RPS6KA5: variants seen among roughly 807,000 people sequenced by gnomAD.
RPS6KA5 encodes the protein ribosomal protein S6 kinase alpha-5.
In RPS6KA5, 27 loss-of-function variants were observed where a neutral mutation model predicts 85.5. That is an observed-to-expected ratio of 0.32 (90% CI 0.23 to 0.44). The LOEUF is 0.44. RPS6KA5 is among the 20% of genes least tolerant of loss of function. RPS6KA5 has a pLI of 1.00. For missense variants in RPS6KA5, 811 were observed against 980.9 expected, an observed-to-expected ratio of 0.83 and a Z score of 2.31; for synonymous variants, 334 against 348.2, an observed-to-expected ratio of 0.96 and a Z score of 0.46.
chr14:90,900,777 A>G, intron 9 of RPS6KA5, 41 bp from the exon 10 acceptor site: 1 of 1,558,400 alleles, frequency 6.4e-7, no homozygotes, highest in Non-Finnish European at 8.7e-7. Context: ...AACAACTTGC[A>G]GTTTTCCAGT....
chr14:90,983,776 T>C (rs990777375), intron 2 of RPS6KA5, among the ~76,000 whole-genome samples: 2 of 142,650 alleles, frequency 1.4e-5, no homozygotes, highest in Non-Finnish European at 3.0e-5. Context: ...TTCTTTCCTT[T>C]CTTTCTTTCT....
Position 90,875,369 on chromosome 14 carries a change from GA to G in RPS6KA5, c.1837-10del. The G allele has an allele frequency of 1.2e-6, 2 of 1,606,316 alleles. No individual in the cohort carries two copies. The highest frequency in any genetic ancestry group is 1.7e-6 in the Non-Finnish European group (2 of 1,175,814). On this transcript the variant is annotated splice_polypyrimidine_tract_variant and intron_variant, in intron 14 of 16. Transcript: ENST00000614987. ...CCTGACAACATTGTGTACTATCAGG[GA>G]AAAAGTAACAAAACAGAATGACTAC...
rs2035084583 is a variant in RPS6KA5 at position 90,900,164 on chromosome 14, T to C, written c.1323A>G (p.Arg441=). 3.7e-6 allele frequency: 6 copies of C among 1,606,888 alleles called. No individual in the cohort carries two copies. Among genetic ancestry groups the C allele is most frequent in the Admixed American group, 3.4e-5 (2 of 59,612 alleles). ...GGTTACTTTTTTTATGCACACACTT[T>C]CGACAAATTGAAAAACTACCTTCTC... ...PLGEGSFSIC[R]KCVHKKSNQA... is the part of the protein sequence containing the mutation. The change falls in exon 11 of 17, where the codon CGA becomes CGG. Residue 441 remains arginine, a synonymous_variant. Coordinates refer to ENST00000614987, the MANE Select transcript of RPS6KA5 (RefSeq NM_004755.4).
intron 1 of RPS6KA5, 27 bp from the exon 2 acceptor site, chr14:91,001,186 A>C (rs1566848735): frequency 2.0e-6 from 3 of 1,486,554 alleles, no homozygotes; most frequent in South Asian, 2.4e-5. Context: ...GGAAAAAAAA[A>C]ACAAGAGGGT....
At position 90,850,481 on chromosome 14, in the gene RPS6KA5, A is replaced by C. The variant is rs537728259; in HGVS notation, c.*21593T>G. The C allele has an allele frequency of 1.2e-4, 17 of 141,140 alleles. No homozygotes were observed. The South Asian group carries it at 2.7e-3, about 22-fold the overall frequency. The allele number at this position is 141,140 out of a possible 1,614,324, so 8.7% of individuals were successfully genotyped here. ...AACCATACAAAAAAAAAAAAAAAAA[A>C]CAGAAAATATTACATAACCAGGCCT... On this transcript the variant is annotated 3_prime_UTR_variant, in exon 17 of 17. Transcript: ENST00000614987.
At chr14:91,028,267 G>A (rs943990215) in intron 1 of RPS6KA5, among the ~76,000 whole-genome samples, 8 of 151,986 alleles carry the variant, frequency 5.3e-5, no homozygotes, top group African/African-American at 1.9e-4. Context: ...TCTTGCACTG[G>A]AGTGTAAAGG....
At chr14:90,965,506 C>T (rs540657995) in intron 3 of RPS6KA5, among the ~76,000 whole-genome samples, 1 of 152,250 alleles carries the variant, frequency 6.6e-6, no homozygotes, top group East Asian at 1.9e-4. Flanking sequence ...AGCAACTGGA[C>T]CTGATCATCT....
rs1488614073 is a variant in RPS6KA5 at position 90,899,322 on chromosome 14, A to T, written c.1473+7T>A. ...CATGGGAAAAAAAAAAAAAAAAAGT[A>T]GGATACCTGATCATGAAAAACTTCA... is the stretch of plus-strand genomic sequence containing the variant. On this transcript the variant is annotated splice_region_variant and intron_variant, in intron 12 of 16. Coordinates refer to ENST00000614987, the MANE Select transcript of RPS6KA5 (RefSeq NM_004755.4). 1.3e-6 allele frequency: 2 copies of T among 1,481,824 alleles called. No individual in the cohort carries two copies. The highest frequency in any genetic ancestry group is 1.9e-6 in the Non-Finnish European group (2 of 1,077,032). The allele number at this position is 1,481,824 out of a possible 1,614,324, so 91.8% of individuals were successfully genotyped here.
At chr14:90,890,220 A>G (rs1327488229) in intron 14 of RPS6KA5, among the ~76,000 whole-genome samples, 2 of 152,210 alleles carry the variant, frequency 1.3e-5, no homozygotes, top group East Asian at 3.8e-4. Context: ...TTAAAAATAT[A>G]TGCTATAGTT....
chr14:90,943,854 ATTG>A (rs1430586912), intron 4 of RPS6KA5, among the ~76,000 whole-genome samples: 1 of 152,054 alleles, frequency 6.6e-6, no homozygotes, highest in Non-Finnish European at 1.5e-5. Context: ...TGTTGTTGTT[ATTG>A]TTGTTGTTGT....
chr14:90,882,554 C>T (rs1286257), intron 14 of RPS6KA5, among the ~76,000 whole-genome samples: 9 of 152,098 alleles, frequency 5.9e-5, no homozygotes, highest in African/African-American at 2.2e-4. Context: ...TCTTACAGAG[C>T]GGCGTTAGTG....
chr14:91,056,601 C>A (rs1053460369), intron 1 of RPS6KA5, among the ~76,000 whole-genome samples: 2 of 152,150 alleles, frequency 1.3e-5, no homozygotes, highest in African/African-American at 4.8e-5. Context: ...GTTTCTGCTT[C>A]CAATGGTTCC....
rs2032720096 is a variant in RPS6KA5, at chr14:90,864,558, T to G, written c.*7516A>C. 1 of 152,188 alleles carries G rather than the reference T, an allele frequency of 6.6e-6. No homozygotes were observed. The highest frequency in any genetic ancestry group is 2.1e-4 in the South Asian group (1 of 4,832). The allele number at this position is 152,188 out of a possible 1,614,324, so 9.4% of individuals were successfully genotyped here. ...GACTGGTATATTGGACTTCATAAAA[T>G]TTTTGGTCATCAAAGGAAAGCACTT... On this transcript the variant is annotated 3_prime_UTR_variant, in exon 17 of 17. Transcript: ENST00000614987.
chr14:91,037,184 C>T (rs1199285963), intron 1 of RPS6KA5, among the ~76,000 whole-genome samples: 3 of 152,134 alleles, frequency 2.0e-5, no homozygotes, highest in Non-Finnish European at 4.4e-5. Context: ...TCTAAACAGG[C>T]ACTGGAAGCA....
At chr14:90,889,706 T>C (rs2034445028) in intron 14 of RPS6KA5, among the ~76,000 whole-genome samples, 1 of 152,138 alleles carries the variant, frequency 6.6e-6, no homozygotes, top group South Asian at 2.1e-4. Flanking sequence ...AGGTATAATA[T>C]AATCTTATTT....
chr14:90,894,144 G>A (rs1370147691), intron 13 of RPS6KA5: 1 of 1,079,868 alleles, frequency 9.3e-7, no homozygotes, highest in African/African-American at 1.6e-5. Flanking sequence ...GTCCACAACT[G>A]TTGCATAAAG....
chr14:90,858,536 T>G lies in RPS6KA5; in HGVS notation c.*13538A>C, dbSNP rs116903768. On this transcript the variant is annotated 3_prime_UTR_variant, in exon 17 of 17. Transcript: ENST00000614987. ...ATATACTAGAGCTAAACGAAAGTAA[T>G]AATAAAAGCGAGAGTTCGTGGCAAA... The G allele has an allele frequency of 6.6e-6, 1 of 152,158 alleles. No homozygotes were observed. Among genetic ancestry groups the G allele is most frequent in the African/African-American group, 2.4e-5 (1 of 41,438 alleles). 9.4% of individuals were successfully genotyped at this position (152,158 alleles called of 1,614,324 possible). A position where few individuals can be genotyped will look rare whatever the true frequency, so the allele number is the denominator to read the frequency against.
intron 1 of RPS6KA5, among the ~76,000 whole-genome samples, chr14:91,056,499 T>C (rs570896062): frequency 1.2e-3 from 179 of 152,246 alleles, no homozygotes; most frequent in Admixed American, 2.2e-3. Context: ...ATCTTTCCCA[T>C]GTGGGAAAAG....
chr14:91,052,696 G>C (rs2043138683), intron 1 of RPS6KA5, among the ~76,000 whole-genome samples: 1 of 151,466 alleles, frequency 6.6e-6, no homozygotes, highest in South Asian at 2.1e-4. Context: ...AGCTGGGCGT[G>C]GTGGCAGGTG....
Sources: allele counts gnomAD v4.1 joint callset (sites outside exome capture counted in the v4.1 genomes callset), GRCh38; gene constraint gnomAD v4.1.1; transcripts MANE v1.5; gene names NCBI Gene and HGNC (gene_info 2026-07-23, HGNC 2026-07-21).